Variants in FSTL5 observed in about 807,000 individuals in gnomAD.
FSTL5 encodes follistatin-related protein 5.
A neutral mutation model predicts 89.1 loss-of-function variants in FSTL5; 62 were observed. The ratio of observed to expected loss-of-function variants is 0.70; its 90% CI spans 0.57 to 0.86. The LOEUF is 0.86. Ranked by LOEUF, FSTL5 falls within the 40% of genes least tolerant of loss-of-function variation. FSTL5 has a pLI of 0.00. For synonymous variants in FSTL5, 383 were observed against 346.2 expected, an observed-to-expected ratio of 1.11 and a Z score of -1.18; for missense variants, 1,057 against 1,001.6, an observed-to-expected ratio of 1.06 and a Z score of -0.75.
At chr4:161,550,733 A>C (rs1435423672) in intron 8 of FSTL5, among the ~76,000 whole-genome samples, 2 of 151,028 alleles carry the variant, frequency 1.3e-5, no homozygotes, top group East Asian at 3.9e-4. Context: ...TCCCTCCCCC[A>C]TCCCCGCACC....
At chr4:161,539,036 A>C (rs1731729546) in intron 9 of FSTL5, among the ~76,000 whole-genome samples, 1 of 152,130 alleles carries the variant, frequency 6.6e-6, no homozygotes, top group South Asian at 2.1e-4. Context: ...GGCCTACCAA[A>C]GGGCTGGCAT....
chr4:161,858,498 T>C (rs962638549), intron 4 of FSTL5, among the ~76,000 whole-genome samples: 1 of 152,066 alleles, frequency 6.6e-6, no homozygotes, highest in Non-Finnish European at 1.5e-5. Context: ...ATTATGCAAA[T>C]CAAAATCCAA....
intron 4 of FSTL5, among the ~76,000 whole-genome samples, chr4:161,794,537 G>A (rs17041510): frequency 0.012 from 1,833 of 152,224 alleles, 39 homozygotes; most frequent in African/African-American, 0.042. Flanking sequence ...TTGCCTCACA[G>A]GTATCATTCA....
chr4:162,034,656 T>C (rs1737663321), intron 2 of FSTL5, among the ~76,000 whole-genome samples: 1 of 152,140 alleles, frequency 6.6e-6, no homozygotes. Context: ...GGTCTCACAC[T>C]GAAAATAACT....
chr4:161,972,528 G>A (rs555542360), intron 3 of FSTL5, among the ~76,000 whole-genome samples: 4 of 152,314 alleles, frequency 2.6e-5, no homozygotes, highest in African/African-American at 4.8e-5. Context: ...GTAAGGAACT[G>A]AGGATGCCTT....
rs1270728333 is a variant in FSTL5, at chr4:161,804,537, T to TTC, written c.410-28464_410-28463insGA. Among the ~76,000 whole-genome samples the TTC allele has an allele frequency of 2.0e-5, 3 of 151,488 alleles. 1 individual carries two copies. The highest frequency in any genetic ancestry group is 7.3e-5 in the African/African-American group (3 of 41,272). On this transcript the variant is annotated intron_variant, in intron 4 of 15. Transcript: ENST00000306100. ...CAAATATGTTCTGTACAACCACTGTTTTTTCAAAGTTAAAAAACTATCATA... is the reference window on the plus strand; with the variant it reads ...CAAATATGTTCTGTACAACCACTGTTTCTTTTCAAAGTTAAAAAACTATCATA...
chr4:161,445,672 C>T (rs895568110), intron 15 of FSTL5, among the ~76,000 whole-genome samples: 4 of 152,018 alleles, frequency 2.6e-5, no homozygotes, highest in East Asian at 1.9e-4. Flanking sequence ...ATTATCAATA[C>T]GTCATTTTCA....
At chr4:161,447,960 T>A (rs1485098332) in intron 15 of FSTL5, among the ~76,000 whole-genome samples, 1 of 151,976 alleles carries the variant, frequency 6.6e-6, no homozygotes, top group Admixed American at 6.6e-5. Flanking sequence ...AACGATCCCA[T>A]GAGATAATAG....
chr4:161,844,909 T>G (rs936878698), intron 4 of FSTL5, among the ~76,000 whole-genome samples: 3 of 152,044 alleles, frequency 2.0e-5, no homozygotes, highest in African/African-American at 7.2e-5. Context: ...TCTGCACATG[T>G]ATCCCAGAAC....
At chr4:161,903,718 T>C (rs1040496487) in intron 4 of FSTL5, among the ~76,000 whole-genome samples, 2 of 151,924 alleles carry the variant, frequency 1.3e-5, no homozygotes, top group Non-Finnish European at 1.5e-5. Context: ...TATTTAGCTA[T>C]AGACAGTAAG....
intron 1 of FSTL5, among the ~76,000 whole-genome samples, chr4:162,134,001 G>A (rs1732421388): frequency 6.6e-6 from 1 of 152,102 alleles, no homozygotes; most frequent in Admixed American, 6.5e-5. Context: ...CTTGTGATCT[G>A]GCCCCAACTT....
In FSTL5 at chr4:161,451,034, G is replaced by A. The variant is rs183741448; in HGVS notation, c.1841+3970C>T. The stretch of plus-strand genomic sequence containing the variant: ...GCTGGGATTACAGGCATGAGCCACT[G>A]AGCCCGGCCCATTCATCTTCATTTT... On this transcript the variant is annotated intron_variant, in intron 15 of 15. Transcript: ENST00000306100. Among the ~76,000 whole-genome samples, 583 of 152,154 alleles carry A rather than the reference G, an allele frequency of 3.8e-3. 4 individuals carry two copies. Among genetic ancestry groups the A allele is most frequent in the African/African-American group, 0.013 (522 of 41,518 alleles).
chr4:161,645,764 C>T (rs1736133061), intron 7 of FSTL5, among the ~76,000 whole-genome samples: 1 of 151,982 alleles, frequency 6.6e-6, no homozygotes, highest in Non-Finnish European at 1.5e-5. Flanking sequence ...CTTTATTTGG[C>T]TTAGAAGCTT....
chr4:161,448,965 T>G (rs10028010), intron 15 of FSTL5, among the ~76,000 whole-genome samples: 131,554 of 152,088 alleles, frequency 0.86, 57,525 homozygotes, highest in East Asian at 0.96. Flanking sequence ...CTGGGGAGGG[T>G]AGGCATGTTA....
At chr4:161,920,210 T>C (rs1235232162) in intron 4 of FSTL5, among the ~76,000 whole-genome samples, 194 bp downstream of exon 4, 1 of 152,220 alleles carries the variant, frequency 6.6e-6, no homozygotes, top group South Asian at 2.1e-4. Flanking sequence ...GCCAGCTTTA[T>C]TCTCATAACT....
chr4:161,585,783 C>T (rs974590830), intron 8 of FSTL5, among the ~76,000 whole-genome samples: 10 of 152,226 alleles, frequency 6.6e-5, no homozygotes, highest in Admixed American at 1.3e-4. Flanking sequence ...CCTATAGGGA[C>T]GAGCATCCTC....
chr4:162,152,953 C>T (rs1369187796), intron 1 of FSTL5, among the ~76,000 whole-genome samples: 1 of 151,688 alleles, frequency 6.6e-6, no homozygotes, highest in Non-Finnish European at 1.5e-5. Context: ...AAGAAAACCA[C>T]AAAAAGTAAT....
At chr4:161,831,936 A>G (rs1224337784) in intron 4 of FSTL5, among the ~76,000 whole-genome samples, 1 of 151,976 alleles carries the variant, frequency 6.6e-6, no homozygotes, top group Non-Finnish European at 1.5e-5. Context: ...GTGGCTTTTT[A>G]ACCTTATTAA....
At chr4:162,067,937 C>G (rs1269859201) in intron 2 of FSTL5, among the ~76,000 whole-genome samples, 1 of 151,996 alleles carries the variant, frequency 6.6e-6, no homozygotes, top group African/African-American at 2.4e-5. Context: ...CACGAATGAA[C>G]TCCAATTCAC....
Sources: gnomAD v4.1 joint callset for allele counts (sites outside exome capture counted in the v4.1 genomes callset) on GRCh38, gnomAD v4.1.1 for gene constraint, MANE v1.5 for transcripts, NCBI Gene and HGNC (gene_info 2026-07-23, HGNC 2026-07-21) for gene names.